The following NRXN3 variants were observed in gnomAD, a reference collection of about 807,000 sequenced individuals.
NRXN3 encodes neurexin 3.
NRXN3 carries 32 observed loss-of-function variants against 137.6 expected under a neutral mutation model. The observed-to-expected ratio is 0.23, with a 90% CI of 0.18 to 0.31. The LOEUF (loss-of-function observed/expected upper bound fraction) is 0.31. NRXN3 is among the 10% of genes least tolerant of loss of function. The pLI is 1.00. For synonymous variants in NRXN3, 798 were observed against 784.5 expected (o/e 1.02, Z -0.29); for missense variants, 1,574 against 2,062.5 (o/e 0.76, Z 4.59).
intron 10 of NRXN3, among the ~76,000 whole-genome samples, chr14:78,928,022 G>T (rs1004751689): frequency 6.6e-6 from 1 of 152,174 alleles, no homozygotes; most frequent in African/African-American, 2.4e-5. Context: ...TTGTCCCTTG[G>T]AGATGATTCT....
intron 4 of NRXN3, among the ~76,000 whole-genome samples, chr14:78,486,075 G>A (rs889988081): frequency 1.3e-5 from 2 of 152,222 alleles, no homozygotes; most frequent in African/African-American, 4.8e-5. Context: ...CCACAACAAA[G>A]AGAGGGCTGG....
intron 15 of NRXN3, among the ~76,000 whole-genome samples, chr14:79,109,984 G>A (rs2053185908): frequency 6.6e-6 from 1 of 152,020 alleles, no homozygotes; most frequent in Non-Finnish European, 1.5e-5. Flanking sequence ...AATTAGAAAA[G>A]AAAGGCAACA....
At chr14:79,173,267 A>G (rs759788449) in intron 15 of NRXN3, among the ~76,000 whole-genome samples, 5 of 152,056 alleles carry the variant, frequency 3.3e-5, no homozygotes, top group African/African-American at 4.8e-5. Flanking sequence ...CGGTGGCTCA[A>G]TCCTGTAATC....
intron 1 of NRXN3, among the ~76,000 whole-genome samples, chr14:78,211,779 G>T (rs1279390974): frequency 6.6e-6 from 1 of 152,206 alleles, no homozygotes; most frequent in Non-Finnish European, 1.5e-5. Flanking sequence ...GGGCAGACAG[G>T]GTCAGAACTG....
rs2098801371 is a variant in NRXN3 at position 79,710,901 on chromosome 14, G to A, written c.4014+12964G>A. ...CTGCTTTAGAGGAACACACAGTCTG[G>A]TACTGTTCTTAAATATTTTCAGACT... On this transcript the variant is annotated intron_variant, in intron 19 of 20. Coordinates refer to ENST00000335750, the MANE Select transcript of NRXN3 (RefSeq NM_001330195.2). 2.6e-5 allele frequency among the ~76,000 whole-genome samples: 4 copies of A among 152,144 alleles called. No homozygotes were observed. The South Asian group carries it at 8.3e-4, about 32-fold the overall frequency.
At chr14:79,798,127 T>C (rs1218337432) in intron 19 of NRXN3, among the ~76,000 whole-genome samples, 1 of 150,828 alleles carries the variant, frequency 6.6e-6, no homozygotes, top group East Asian at 1.9e-4. Context: ...AATCATCCAG[T>C]TGTATGTGTG....
intron 15 of NRXN3, among the ~76,000 whole-genome samples, chr14:79,148,370 G>T (rs1414658708): frequency 6.6e-6 from 1 of 152,176 alleles, no homozygotes; most frequent in Non-Finnish European, 1.5e-5. Flanking sequence ...AGGTGGGAAA[G>T]AACTTAGCTT....
intron 4 of NRXN3, among the ~76,000 whole-genome samples, chr14:78,315,695 G>C (rs760373372): frequency 1.6e-4 from 25 of 152,116 alleles, no homozygotes; most frequent in Non-Finnish European, 2.6e-4. Flanking sequence ...TGATGGAGTG[G>C]GGCCAAATGC....
chr14:78,641,083 A>C (rs1236942528), intron 4 of NRXN3, among the ~76,000 whole-genome samples: 1 of 152,234 alleles, frequency 6.6e-6, no homozygotes, highest in Non-Finnish European at 1.5e-5. Context: ...AGTATAAAAA[A>C]CAGATTTTTG....
At chr14:79,128,521 T>G (rs2056933639) in intron 15 of NRXN3, among the ~76,000 whole-genome samples, 1 of 151,544 alleles carries the variant, frequency 6.6e-6, no homozygotes, top group East Asian at 1.9e-4. Flanking sequence ...ATCCCAGGGA[T>G]GAAGCCCACT....
At chr14:78,282,621 A>T (rs1159351687) in intron 3 of NRXN3, 1 of 159,554 alleles carries the variant, frequency 6.3e-6, no homozygotes, top group African/African-American at 2.4e-5. Flanking sequence ...CTGGGCCCCC[A>T]GGAGGCCTCC....
At chr14:79,389,639 C>T (rs1759898973) in intron 15 of NRXN3, among the ~76,000 whole-genome samples, 2 of 152,212 alleles carry the variant, frequency 1.3e-5, no homozygotes, top group South Asian at 2.1e-4. Flanking sequence ...GCAATAAGGA[C>T]TTAATAATTG....
At chr14:78,756,179 T>G (rs1213703188) in intron 8 of NRXN3, among the ~76,000 whole-genome samples, 1 of 152,184 alleles carries the variant, frequency 6.6e-6, no homozygotes, top group Non-Finnish European at 1.5e-5. Flanking sequence ...CATTTTCATA[T>G]TTTTTAACAC....
At chr14:79,609,147 G>C (rs1474966083) in intron 16 of NRXN3, among the ~76,000 whole-genome samples, 2 of 151,964 alleles carry the variant, frequency 1.3e-5, no homozygotes, top group Admixed American at 1.3e-4. Flanking sequence ...ATTATGGTGA[G>C]TTCGCGTGAG....
chr14:78,566,378 TG>T (rs1327166147), intron 4 of NRXN3, among the ~76,000 whole-genome samples: 1 of 139,206 alleles, frequency 7.2e-6, no homozygotes, highest in African/African-American at 3.3e-5. Context: ...ACTAAAATGT[TG>T]GTTTTTTTTT....
Position 79,863,337 on chromosome 14 carries a change from C to CAGAT in NRXN3, c.*1375_*1378dup. On this transcript the variant is annotated 3_prime_UTR_variant, in exon 21 of 21. Coordinates refer to ENST00000335750, the MANE Select transcript of NRXN3 (RefSeq NM_001330195.2). Reference sequence around the variant, plus strand: ...ATATATATATAAATAAATATATATACAGATATATTTATCATGGTATGTTTG... The same window carrying CAGAT: ...ATATATATATAAATAAATATATATACAGATAGATATATTTATCATGGTATGTTTG... The CAGAT allele has an allele frequency of 6.7e-6, 1 of 150,328 alleles. No homozygotes were observed. The highest frequency in any genetic ancestry group is 1.9e-4 in the East Asian group (1 of 5,136). 9.3% of individuals were successfully genotyped at this position (150,328 alleles called of 1,614,324 possible).
At chr14:78,986,729 G>T (rs779453488) in intron 14 of NRXN3, among the ~76,000 whole-genome samples, 14 of 151,948 alleles carry the variant, frequency 9.2e-5, no homozygotes, top group Non-Finnish European at 2.1e-4. Context: ...CCATTTAAGA[G>T]AATCCATTTT....
intron 6 of NRXN3, among the ~76,000 whole-genome samples, chr14:78,656,808 C>T (rs1458053996): frequency 6.6e-6 from 1 of 152,040 alleles, no homozygotes; most frequent in Non-Finnish European, 1.5e-5. Flanking sequence ...CTTTGGGAGG[C>T]CAAGGTGGGC....
intron 15 of NRXN3, among the ~76,000 whole-genome samples, chr14:79,315,470 G>A (rs751884780): frequency 5.9e-5 from 9 of 152,192 alleles, no homozygotes; most frequent in South Asian, 2.1e-4. Context: ...TTACAGAAAC[G>A]TGGTTTGGTG....
Sources: allele counts gnomAD v4.1 joint callset (sites outside exome capture counted in the v4.1 genomes callset), GRCh38; gene constraint gnomAD v4.1.1; transcripts MANE v1.5; gene names NCBI Gene and HGNC (gene_info 2026-07-23, HGNC 2026-07-21).